Variants in TENM2 observed in about 807,000 individuals in gnomAD.
TENM2 encodes teneurin-2.
Under a neutral mutation model 245.2 loss-of-function variants are expected in TENM2, and 52 were observed. The ratio of observed to expected loss-of-function variants is 0.21; its 90% CI spans 0.17 to 0.27. The LOEUF (loss-of-function observed/expected upper bound fraction) is 0.27, where lower values mean the gene tolerates loss of function less well. Ranked by LOEUF, TENM2 falls within the 10% of genes least tolerant of loss-of-function variation. TENM2 has a pLI of 1.00. For missense variants in TENM2, 3,046 were observed against 3,666.8 expected (o/e 0.83, Z 4.37); for synonymous variants, 1,363 against 1,438.9 (o/e 0.95, Z 1.19).
intron 7 of TENM2, among the ~76,000 whole-genome samples, chr5:168,079,842 T>C (rs1305161052): frequency 2.6e-5 from 4 of 152,248 alleles, no homozygotes; most frequent in Admixed American, 2.0e-4. Context: ...CAGTATTTTA[T>C]TGAGGATTTT....
At chr5:167,636,596 G>A (rs1779224126) in intron 2 of TENM2, among the ~76,000 whole-genome samples, 1 of 152,164 alleles carries the variant, frequency 6.6e-6, no homozygotes, top group South Asian at 2.1e-4. Context: ...TCTTGGATTA[G>A]TTTGCTCATT....
intron 5 of TENM2, among the ~76,000 whole-genome samples, chr5:168,013,816 G>A (rs763817236): frequency 2.0e-5 from 3 of 152,180 alleles, no homozygotes; most frequent in Non-Finnish European, 4.4e-5. Context: ...GGTTCTGGAG[G>A]CTGGAAGTCC....
At chr5:167,033,904 G>A in the TENM2 span, among the ~76,000 whole-genome samples, 1 of 152,244 alleles carries the variant, frequency 6.6e-6, no homozygotes, top group Non-Finnish European at 1.5e-5. Flanking sequence ...GTGGAGTATG[G>A]TATTCAGATT....
chr5:167,949,910 G>A (rs145338847), intron 3 of TENM2, among the ~76,000 whole-genome samples: 5 of 152,244 alleles, frequency 3.3e-5, no homozygotes, highest in East Asian at 1.9e-4. Context: ...AATCAATGCC[G>A]TGGTGAAAAT....
chr5:167,575,246 A>T (rs886880128), intron 2 of TENM2, among the ~76,000 whole-genome samples: 5 of 152,158 alleles, frequency 3.3e-5, no homozygotes, highest in African/African-American at 1.2e-4. Flanking sequence ...TTCATTTTTA[A>T]ATGTTTTTAT....
At chr5:168,018,078 T>A (rs539526004) in intron 5 of TENM2, among the ~76,000 whole-genome samples, 1 of 152,350 alleles carries the variant, frequency 6.6e-6, no homozygotes, top group African/African-American at 2.4e-5. Context: ...ATGGAGAAAT[T>A]AACTGCCTAC....
intron 1 of TENM2, among the ~76,000 whole-genome samples, chr5:167,324,382 C>T (rs755510452): frequency 3.0e-4 from 46 of 152,156 alleles, no homozygotes; most frequent in Non-Finnish European, 4.4e-4. Context: ...TCAGAAGCAA[C>T]ATGTAGTTCT....
intron 6 of TENM2, 130 bp downstream of exon 8, chr5:168,047,679 A>G (rs1788727646): frequency 1.8e-6 from 2 of 1,116,138 alleles, no homozygotes; most frequent in East Asian, 5.2e-5. Flanking sequence ...GGGAAAAATC[A>G]TTGCCTTTCA....
At chr5:167,071,557 T>C in the TENM2 span, among the ~76,000 whole-genome samples, 2 of 152,196 alleles carry the variant, frequency 1.3e-5, no homozygotes, top group Non-Finnish European at 2.9e-5. Context: ...TAAAGACACA[T>C]AATCTTGATT....
chr5:168,057,293 C>T (rs1720033131), intron 6 of TENM2, among the ~76,000 whole-genome samples: 1 of 148,822 alleles, frequency 6.7e-6, no homozygotes, highest in Admixed American at 6.9e-5. Context: ...TGACCCCCTA[C>T]CCCTGTCGCC....
intron 2 of TENM2, among the ~76,000 whole-genome samples, chr5:167,666,212 C>T (rs1161476089): frequency 2.0e-5 from 3 of 152,152 alleles, no homozygotes; most frequent in Non-Finnish European, 4.4e-5. Context: ...CATTTTTCCC[C>T]AGGGGCTTGT....
intron 2 of TENM2, among the ~76,000 whole-genome samples, chr5:167,792,972 A>G (rs1765085960): frequency 1.3e-5 from 2 of 152,148 alleles, no homozygotes; most frequent in African/African-American, 4.8e-5. Context: ...GAAGTATGCC[A>G]GGGAAGGAAA....
At chr5:167,981,068 AG>A (rs1271845254) in intron 4 of TENM2, among the ~76,000 whole-genome samples, 1 of 152,200 alleles carries the variant, frequency 6.6e-6, no homozygotes, top group South Asian at 2.1e-4. Context: ...GCTCACATCC[AG>A]TGACTGGTCC....
chr5:167,946,704 G>A (rs2617978), intron 3 of TENM2, among the ~76,000 whole-genome samples: 47,923 of 151,976 alleles, frequency 0.32, 8,072 homozygotes, highest in East Asian at 0.46. Context: ...ACCTGGGATC[G>A]TGTGCCAGCT....
intron 5 of TENM2, among the ~76,000 whole-genome samples, chr5:168,016,659 A>T (rs1025370146): frequency 2.0e-5 from 3 of 152,102 alleles, no homozygotes; most frequent in African/African-American, 7.2e-5. Context: ...TGAAATCATA[A>T]TCCCCAAGCA....
Position 167,640,775 on chromosome 5 carries a change from A to G in TENM2, c.503-235211A>G, listed in dbSNP as rs946635171. On this transcript the variant is annotated intron_variant, in intron 2 of 28. Transcript: ENST00000518659. ...AGATTCTGACACTGAAATTCCATAG[A>G]TATCACATAAGGCAGTGTTACCTAT... 2.0e-4 allele frequency among the ~76,000 whole-genome samples: 29 copies of G among 147,138 alleles called. No individual in the cohort carries two copies. In the East Asian group the frequency reaches 3.7e-3, roughly 19 times the overall value.
At chr5:167,339,917 C>T (rs1213065176) in intron 1 of TENM2, among the ~76,000 whole-genome samples, 1 of 152,192 alleles carries the variant, frequency 6.6e-6, no homozygotes, top group Non-Finnish European at 1.5e-5. Flanking sequence ...GCACCTTGGT[C>T]TTGGACTCGA....
At chr5:167,069,963 T>C in the TENM2 span, among the ~76,000 whole-genome samples, 3 of 152,110 alleles carry the variant, frequency 2.0e-5, no homozygotes, top group Admixed American at 6.5e-5. Flanking sequence ...ATATAAACTT[T>C]ATCTGATACA....
intron 2 of TENM2, among the ~76,000 whole-genome samples, chr5:167,377,252 T>G (rs10064569): frequency 0.029 from 4,354 of 152,262 alleles, 213 homozygotes; most frequent in African/African-American, 0.099. Context: ...TTTGAATAAT[T>G]TTTACTTTCT....
Sources: allele counts gnomAD v4.1 joint callset (sites outside exome capture counted in the v4.1 genomes callset), GRCh38; gene constraint gnomAD v4.1.1; transcripts MANE v1.5; gene names NCBI Gene and HGNC (gene_info 2026-07-23, HGNC 2026-07-21).